Variants in SHTN1 observed in about 807,000 individuals in gnomAD.
SHTN1 encodes the protein shootin 1.
Under a neutral mutation model 83.1 loss-of-function variants are expected in SHTN1, and 42 were observed. The ratio of observed to expected loss-of-function variants is 0.51; its 90% CI spans 0.39 to 0.65. SHTN1 has a LOEUF of 0.65. SHTN1 is among the 30% of genes least tolerant of loss of function. SHTN1 has a pLI of 0.00. For missense variants in SHTN1, 622 were observed against 737.8 expected (o/e 0.84, Z 1.82); for synonymous variants, 224 against 247.7 (o/e 0.90, Z 0.90).
chr10:116,888,967 G>A (rs1564859662), intron 16 of SHTN1, among the ~76,000 whole-genome samples: 1 of 152,258 alleles, frequency 6.6e-6, no homozygotes, highest in Non-Finnish European at 1.5e-5. Context: ...TGAGTCACCA[G>A]TACGAAGGTT....
At chr10:117,012,608 A>G (rs1228045262) in intron 2 of SHTN1, among the ~76,000 whole-genome samples, 2 of 152,330 alleles carry the variant, frequency 1.3e-5, no homozygotes, top group African/African-American at 4.8e-5. Flanking sequence ...CTCAAAATGG[A>G]TAATAGACCA....
chr10:116,905,960 C>A (rs1847953178), intron 15 of SHTN1, among the ~76,000 whole-genome samples: 1 of 152,202 alleles, frequency 6.6e-6, no homozygotes, highest in African/African-American at 2.4e-5. Context: ...TCCAGACTCG[C>A]TCAGATGGTA....
chr10:117,096,253 AAAAC>A (rs1179378924), intron 1 of SHTN1, among the ~76,000 whole-genome samples: 2 of 152,272 alleles, frequency 1.3e-5, no homozygotes, highest in African/African-American at 2.4e-5. Context: ...GAAGGGTTAA[AAAAC>A]AAACAAACTT....
rs149668847 is a variant in SHTN1, at chr10:116,995,031, T to C, written c.58+9991A>G. On this transcript the variant is annotated intron_variant, in intron 1 of 16. Coordinates refer to ENST00000355371, the MANE Select transcript of SHTN1 (RefSeq NM_001127211.3). ...AACATGCTACCTGTCATAATTCTGA[T>C]TATGTTAAATTGTTATATCTCACAA... 2.9e-3 allele frequency among the ~76,000 whole-genome samples: 438 copies of C among 152,248 alleles called. 2 individuals are homozygous for C. Among genetic ancestry groups the C allele is most frequent in the Non-Finnish European group, 4.6e-3 (316 of 67,974 alleles).
chr10:116,912,625 G>T (rs1003687461), intron 13 of SHTN1, among the ~76,000 whole-genome samples: 2 of 152,128 alleles, frequency 1.3e-5, no homozygotes, highest in Non-Finnish European at 2.9e-5. Context: ...GATCTCTGCA[G>T]ATCACTCAAC....
chr10:116,934,185 AT>A, intron 9 of SHTN1, among the ~76,000 whole-genome samples: 1 of 152,230 alleles, frequency 6.6e-6, no homozygotes, highest in Middle Eastern at 3.4e-3. Flanking sequence ...CCATTTGTCA[AT>A]TTTGGCTTTT....
Position 116,884,101 on chromosome 10 carries a change from G to A in SHTN1, c.*2243C>T, listed in dbSNP as rs1421024367. ...AGAAGGAAGCATAAATAACCTTTTA[G>A]AGAAATCAAAAACATAAAGATGCAG... On this transcript the variant is annotated 3_prime_UTR_variant, in exon 17 of 17. Transcript: ENST00000355371. 2.4e-6 allele frequency: 1 copy of A among 410,820 alleles called. No individual in the cohort carries two copies. Among genetic ancestry groups the A allele is most frequent in the Non-Finnish European group, 5.0e-6 (1 of 198,650 alleles). The allele number at this position is 410,820 out of a possible 1,614,324, so 25.4% of individuals were successfully genotyped here. A position where few individuals can be genotyped will look rare whatever the true frequency, so the allele number is the denominator to read the frequency against.
intron 1 of SHTN1, among the ~76,000 whole-genome samples, chr10:117,051,892 G>A (rs780509402): frequency 2.0e-5 from 3 of 150,144 alleles, no homozygotes; most frequent in Non-Finnish European, 3.0e-5. Flanking sequence ...TCTATTCAAC[G>A]TTGCACTGGA....
At position 116,886,467 on chromosome 10, in the gene SHTN1, T is replaced by G. The variant is rs984007640; in HGVS notation, c.1773A>C (p.Gln591His). 2 of 1,613,928 alleles carry G rather than the reference T, an allele frequency of 1.2e-6. No individual in the cohort carries two copies. Among genetic ancestry groups the G allele is most frequent in the Admixed American group, 1.7e-5 (1 of 59,988 alleles). ...VLDPVSTHEP[Q>H]TKDQVAEKDP... ...CTTTTTCAGCAACCTGGTCTTTGGT[T>G]TGGGGTTCATGTGTAGAAACAGGAT... Residue 591 changes from glutamine to histidine, a missense_variant, in exon 17 of 17, where the codon CAA becomes CAC. Gln to His is a conservative substitution (Grantham distance 24). Transcript: ENST00000355371.
intron 1 of SHTN1, among the ~76,000 whole-genome samples, chr10:116,990,287 C>CTTTTTTTTTT (rs11399364): frequency 2.5e-5 from 3 of 119,916 alleles, no homozygotes; most frequent in African/African-American, 3.2e-5. Flanking sequence ...TTTTTTCTTT[C>CTTTTTTTTTT]TTTTTTTTTT....
At chr10:117,005,355 T>A, upstream of SHTN1, 2 of 1,252,164 alleles carry the variant, frequency 1.6e-6, no homozygotes, top group Non-Finnish European at 2.0e-6. Flanking sequence ...CGGCAGCCGC[T>A]ATGCCAGCCT....
At chr10:116,970,495 C>A (rs1850577158) in intron 2 of SHTN1, among the ~76,000 whole-genome samples, 1 of 152,146 alleles carries the variant, frequency 6.6e-6, no homozygotes, top group African/African-American at 2.4e-5. Flanking sequence ...GCAGGCGGAT[C>A]ATGAGGTCAA....
chr10:117,100,626 C>G (rs1853576665), intron 1 of SHTN1, among the ~76,000 whole-genome samples: 1 of 152,180 alleles, frequency 6.6e-6, no homozygotes, highest in African/African-American at 2.4e-5. Context: ...ACAGGAAGAA[C>G]TGCACACACC....
intron 11 of SHTN1, among the ~76,000 whole-genome samples, chr10:116,924,307 C>T (rs940727853): frequency 6.6e-6 from 1 of 151,742 alleles, no homozygotes; most frequent in Admixed American, 6.5e-5. Flanking sequence ...CCACACTCTG[C>T]ACTGACCTCG....
rs145074901 is a variant in SHTN1, at chr10:117,000,847, G to A, written c.58+4175C>T. ...ACTCCTCCTGGAATTTACATGCCTA[G>A]CACTATCTCTAGACCAGGAACTCCT... On this transcript the variant is annotated intron_variant, in intron 1 of 16. Coordinates refer to ENST00000355371, the MANE Select transcript of SHTN1 (RefSeq NM_001127211.3). 2.5e-3 allele frequency among the ~76,000 whole-genome samples: 382 copies of A among 152,268 alleles called. 3 individuals are homozygous for A. Among genetic ancestry groups the A allele is most frequent in the African/African-American group, 8.8e-3 (364 of 41,540 alleles).
intron 4 of SHTN1, 96 bp from the exon 5 acceptor site, chr10:116,954,306 A>G (rs1290237513): frequency 1.3e-6 from 1 of 741,374 alleles, no homozygotes; most frequent in African/African-American, 1.8e-5. Context: ...TTTGTCTTAC[A>G]TATTCATCAA....
rs1472360767 is a variant in SHTN1 at position 116,884,235 on chromosome 10, T to C, written c.*2109A>G. On this transcript the variant is annotated 3_prime_UTR_variant, in exon 17 of 17. Transcript: ENST00000355371. Reference sequence around the variant, plus strand: ...GCACGGTTCTCCTATGTCTTCCTATTTGGGATCCCTTGCTTTGGTTGACAG... The same window carrying C: ...GCACGGTTCTCCTATGTCTTCCTATCTGGGATCCCTTGCTTTGGTTGACAG... 2.2e-6 allele frequency: 1 copy of C among 458,188 alleles called. No homozygotes were observed. The highest frequency in any genetic ancestry group is 2.0e-5 in the African/African-American group (1 of 50,202). 28.4% of individuals were successfully genotyped at this position (458,188 alleles called of 1,614,324 possible).
At chr10:117,021,363 C>A (rs1852261462) in intron 2 of SHTN1, among the ~76,000 whole-genome samples, 1 of 152,100 alleles carries the variant, frequency 6.6e-6, no homozygotes. Context: ...AGAGATCATG[C>A]CACTGCACTC....
intron 2 of SHTN1, among the ~76,000 whole-genome samples, chr10:116,977,662 C>CTA (rs1554923510): frequency 6.8e-6 from 1 of 147,776 alleles, no homozygotes; most frequent in Non-Finnish European, 1.5e-5. Flanking sequence ...CTTTCTTACT[C>CTA]TGTGTGTGTG....
Sources: gnomAD v4.1 joint callset for allele counts (sites outside exome capture counted in the v4.1 genomes callset) on GRCh38, gnomAD v4.1.1 for gene constraint, MANE v1.5 for transcripts, NCBI Gene and HGNC (gene_info 2026-07-23, HGNC 2026-07-21) for gene names.